HIVEP1: variants seen among roughly 807,000 people sequenced by gnomAD.
HIVEP1 encodes the protein zinc finger protein 40.
A neutral mutation model predicts 180.0 loss-of-function variants in HIVEP1; 36 were observed. The ratio of observed to expected loss-of-function variants is 0.20; its 90% CI spans 0.15 to 0.26. The LOEUF (loss-of-function observed/expected upper bound fraction) is 0.26. HIVEP1 is among the 10% of genes least tolerant of loss of function. The probability of loss-of-function intolerance (pLI) is 1.00; values close to 1 mark genes in which losing one functional copy is unlikely to be tolerated. For synonymous variants in HIVEP1, 1,239 were observed against 1,239.0 expected (o/e 1.00, Z 0.00); for missense variants, 3,143 against 3,268.7 (o/e 0.96, Z 0.94).
intron 2 of HIVEP1, among the ~76,000 whole-genome samples, chr6:12,075,404 C>T (rs1238615241): frequency 1.3e-5 from 2 of 152,146 alleles, no homozygotes; most frequent in East Asian, 1.9e-4. Flanking sequence ...TATTTCCTTT[C>T]CTTTGGGCTC....
chr6:12,182,726 G>A, the HIVEP1 span, among the ~76,000 whole-genome samples: 21 of 152,230 alleles, frequency 1.4e-4, no homozygotes, highest in South Asian at 2.1e-4. Context: ...AGAATAGTGC[G>A]TGCCATGCCT....
At chr6:12,020,892 T>TTCTTTC (rs1367988551) in intron 2 of HIVEP1, among the ~76,000 whole-genome samples, 6 of 133,122 alleles carry the variant, frequency 4.5e-5, no homozygotes, top group Non-Finnish European at 8.1e-5. Context: ...CTTTCTTTCT[T>TTCTTTC]TTTTTTTTTT....
chr6:12,046,062 A>C (rs1317238470), intron 2 of HIVEP1, among the ~76,000 whole-genome samples: 1 of 152,248 alleles, frequency 6.6e-6, no homozygotes, highest in Non-Finnish European at 1.5e-5. Flanking sequence ...TAAATCACCC[A>C]CAATTCACTG....
chr6:12,116,992 C>T (rs1450169109), intron 3 of HIVEP1, among the ~76,000 whole-genome samples: 2 of 151,898 alleles, frequency 1.3e-5, no homozygotes, highest in African/African-American at 2.4e-5. Flanking sequence ...ACTATCAGTC[C>T]AAAACTAATG....
intron 4 of HIVEP1, among the ~76,000 whole-genome samples, chr6:12,129,273 G>C (rs562578596): frequency 6.6e-6 from 1 of 152,288 alleles, no homozygotes; most frequent in South Asian, 2.1e-4. Context: ...TGGGGCTTCT[G>C]CTTTACCTTA....
chr6:12,058,189 G>C (rs1213245060), intron 2 of HIVEP1, among the ~76,000 whole-genome samples: 1 of 151,932 alleles, frequency 6.6e-6, no homozygotes, highest in Non-Finnish European at 1.5e-5. Context: ...GCTTTGGTCT[G>C]AGAGTGTTTG....
intron 6 of HIVEP1, among the ~76,000 whole-genome samples, chr6:12,133,010 G>A (rs1385076245): frequency 6.6e-6 from 1 of 152,076 alleles, no homozygotes; most frequent in African/African-American, 2.4e-5. Flanking sequence ...CTAGCCAGTA[G>A]GACTCCACTT....
At chr6:12,183,723 T>C in the HIVEP1 span, among the ~76,000 whole-genome samples, 1 of 152,166 alleles carries the variant, frequency 6.6e-6, no homozygotes, top group Admixed American at 6.5e-5. Context: ...AAAATCGTAG[T>C]GTGGCACATA....
intron 2 of HIVEP1, among the ~76,000 whole-genome samples, chr6:12,043,924 G>A (rs1769945323): frequency 6.6e-6 from 1 of 152,162 alleles, no homozygotes. Context: ...TTTCCACAGA[G>A]TTTTGCTTCA....
At chr6:12,200,878 G>A in the HIVEP1 span, among the ~76,000 whole-genome samples, 2 of 152,174 alleles carry the variant, frequency 1.3e-5, no homozygotes, top group African/African-American at 4.8e-5. Flanking sequence ...CATAAAATGA[G>A]CACTGCAGAA....
At chr6:12,097,876 T>G (rs1257816267) in intron 3 of HIVEP1, among the ~76,000 whole-genome samples, 2 of 152,192 alleles carry the variant, frequency 1.3e-5, no homozygotes, top group Admixed American at 1.3e-4. Context: ...CCTAAAACAT[T>G]GCTCCTTTTG....
At chr6:12,105,585 C>G (rs1259518793) in intron 3 of HIVEP1, among the ~76,000 whole-genome samples, 1 of 152,112 alleles carries the variant, frequency 6.6e-6, no homozygotes, top group African/African-American at 2.4e-5. Flanking sequence ...TTACTTAATT[C>G]TTAATTACTA....
rs70981664 is a variant in HIVEP1 at position 12,104,396 on chromosome 6, T to TTCTCTCTC, written c.94+15170_94+15177dup. ...TCTCTCTTTCTCTCTCTCTCTTCGT[T>TTCTCTCTC]TCTCTCTCTCTCTCTCTCCTTTTCT... On this transcript the variant is annotated intron_variant, in intron 3 of 8. Coordinates refer to ENST00000379388, the MANE Select transcript of HIVEP1 (RefSeq NM_002114.4). 1.8e-3 allele frequency among the ~76,000 whole-genome samples: 225 copies of TTCTCTCTC among 126,638 alleles called. 2 individuals are homozygous for TTCTCTCTC. The highest frequency in any genetic ancestry group is 2.5e-3 in the South Asian group (9 of 3,658). 83.1% of individuals were successfully genotyped at this position (126,638 alleles called of 152,430 possible).
intron 2 of HIVEP1, among the ~76,000 whole-genome samples, chr6:12,028,291 G>A (rs1184576476): frequency 6.6e-6 from 1 of 152,174 alleles, no homozygotes; most frequent in East Asian, 1.9e-4. Flanking sequence ...ATGTTGTGGA[G>A]TTCACCACCT....
chr6:12,087,461 T>C lies in HIVEP1; in HGVS notation c.41-1723T>C, dbSNP rs1312855020. 4.6e-5 allele frequency among the ~76,000 whole-genome samples: 7 copies of C among 152,204 alleles called. No individual in the cohort carries two copies. In the East Asian group the frequency reaches 7.7e-4, roughly 17 times the overall value. On this transcript the variant is annotated intron_variant, in intron 2 of 8. Transcript: ENST00000379388. ...GAATATATAATACATATATATTATTTATGATTCTTAAGTTTGGGTGAATTA... is the reference window on the plus strand; with the variant it reads ...GAATATATAATACATATATATTATTCATGATTCTTAAGTTTGGGTGAATTA...
At chr6:12,210,109 A>G in the HIVEP1 span, among the ~76,000 whole-genome samples, 1 of 152,208 alleles carries the variant, frequency 6.6e-6, no homozygotes, top group African/African-American at 2.4e-5. Context: ...TCTTAAAAAA[A>G]AAAAAGAAAA....
upstream of HIVEP1, among the ~76,000 whole-genome samples, chr6:12,009,662 A>G (rs1767179007): frequency 6.6e-6 from 1 of 152,236 alleles, no homozygotes; most frequent in African/African-American, 2.4e-5. Context: ...TAAAGAAGCT[A>G]CTTTATAGTA....
At chr6:12,019,687 C>A (rs1445263603) in intron 2 of HIVEP1, among the ~76,000 whole-genome samples, 1 of 152,134 alleles carries the variant, frequency 6.6e-6, no homozygotes, top group African/African-American at 2.4e-5. Context: ...AAGGCAGATA[C>A]CTGATACTTT....
At chr6:12,039,268 T>C (rs1769505755) in intron 2 of HIVEP1, 2 of 152,262 alleles carry the variant, frequency 1.3e-5, no homozygotes. Flanking sequence ...TTTGTGTCCA[T>C]GCCACCTAAC....
Sources: allele counts gnomAD v4.1 joint callset (sites outside exome capture counted in the v4.1 genomes callset), GRCh38; gene constraint gnomAD v4.1.1; transcripts MANE v1.5; gene names NCBI Gene and HGNC (gene_info 2026-07-23, HGNC 2026-07-21).